The following TPR variants were observed in gnomAD, a reference collection of about 807,000 sequenced individuals.
TPR encodes translocated promoter region, nuclear basket protein.
A neutral mutation model predicts 316.1 loss-of-function variants in TPR; 51 were observed. The observed-to-expected ratio is 0.16, with a 90% CI of 0.13 to 0.20. TPR has a LOEUF of 0.20. Among genes scored for constraint, TPR ranks in the 10% least tolerant of loss-of-function variants. The pLI is 1.00. For missense variants in TPR, 2,272 were observed against 2,754.8 expected (o/e 0.82, Z 3.92); for synonymous variants, 981 against 914.7 (o/e 1.07, Z -1.31).
intron 3 of TPR, 67 bp from the exon 4 acceptor site, chr1:186,368,049 T>A: frequency 8.5e-7 from 1 of 1,177,706 alleles, no homozygotes; most frequent in Non-Finnish European, 1.2e-6. Flanking sequence ...AACATAGAAT[T>A]GTCACTTTAG....
chr1:186,325,810 C>A lies in TPR; in HGVS notation c.6066G>T (p.Met2022Ile). 1.2e-6 allele frequency: 2 copies of A among 1,613,710 alleles called. No homozygotes were observed. Among genetic ancestry groups the A allele is most frequent in the Non-Finnish European group, 1.7e-6 (2 of 1,179,754 alleles). Reference protein sequence around the residue: ...TDPGTETEESMGGGEGNHRAA... With the variant: ...TDPGTETEESIGGGEGNHRAA... ...CTCTGTGATTACCTTCACCTCCACC[C>A]ATACTTTCTTCTGTTTCTGTACCTG... Residue 2022 changes from methionine to isoleucine, a missense_variant, in exon 42 of 51, where the codon ATG (methionine) becomes ATT (isoleucine). Met to Ile is a conservative substitution (Grantham distance 10, BLOSUM62 1). Coordinates refer to ENST00000367478, the MANE Select transcript of TPR (RefSeq NM_003292.3).
chr1:186,335,606 C>G lies in TPR; in HGVS notation c.4706-63G>C, dbSNP rs569096451. On this transcript the variant is annotated intron_variant, in intron 33 of 50. Coordinates refer to ENST00000367478, the MANE Select transcript of TPR (RefSeq NM_003292.3). The stretch of plus-strand genomic sequence containing the variant: ...TCAAACATTTAAAACAGCATTTATG[C>G]ACTTAATTGGCACATGGTCACATCA... The G allele has an allele frequency of 1.0e-5, 14 of 1,345,756 alleles. No homozygotes were observed. The African/African-American group carries it at 1.9e-4, about 18-fold the overall frequency. The allele number at this position is 1,345,756 out of a possible 1,614,324, so 83.4% of individuals were successfully genotyped here. A position where few individuals can be genotyped will look rare whatever the true frequency, so the allele number is the denominator to read the frequency against.
rs1378753801 is a variant in TPR, at chr1:186,343,921, A to C, written c.3587T>G (p.Ile1196Ser). 2 of 1,612,968 alleles carry C rather than the reference A, an allele frequency of 1.2e-6. No individual in the cohort carries two copies. Among genetic ancestry groups the C allele is most frequent in the East Asian group, 4.5e-5 (2 of 44,834 alleles). The change falls in exon 26 of 51, where the codon ATT becomes AGT. Residue 1196 changes from isoleucine to serine, a missense_variant. Transcript: ENST00000367478. ...LSEEGKSQEQ[I>S]LEILRFIRRE... ...CATGATTTACCTGAGAATTTCCAAA[A>C]TTTGTTCTTGAGATTTTCCTTCTTC...
At chr1:186,344,279 T>C in intron 25 of TPR, 96 bp downstream of exon 25, 1 of 1,458,310 alleles carries the variant, frequency 6.9e-7, no homozygotes, top group Non-Finnish European at 9.3e-7. Context: ...CCAGCATGGG[T>C]GACAGAGCGA....
intron 40 of TPR, 94 bp from the exon 41 acceptor site, chr1:186,326,329 C>T (rs1341672465): frequency 2.6e-6 from 4 of 1,512,092 alleles, no homozygotes; most frequent in African/African-American, 2.8e-5. Context: ...TTAAGTGACT[C>T]ATTAATCAGA....
intron 30 of TPR, among the ~76,000 whole-genome samples, chr1:186,338,986 T>G (rs1658421237): frequency 6.6e-6 from 1 of 152,202 alleles, no homozygotes; most frequent in Non-Finnish European, 1.5e-5. Context: ...TTGTAAGTTG[T>G]AAAGCAATAT....
In TPR at chr1:186,344,372, T is replaced by C; in HGVS notation, c.3417+3A>G. 1 of 1,612,340 alleles carries C rather than the reference T, an allele frequency of 6.2e-7. No individual in the cohort carries two copies. Among genetic ancestry groups the C allele is most frequent in the Admixed American group, 1.7e-5 (1 of 59,696 alleles). ...AACATTCTATTCAGATTTACAATAA[T>C]ACCTTTAACATTCTCTCTCTTTCCT... On this transcript the variant is annotated splice_donor_region_variant and intron_variant, in intron 25 of 50. Coordinates refer to ENST00000367478, the MANE Select transcript of TPR (RefSeq NM_003292.3).
In TPR at chr1:186,375,030, T is replaced by G; in HGVS notation, c.-2A>C. 2 of 1,614,024 alleles carry G rather than the reference T, an allele frequency of 1.2e-6. No homozygotes were observed. The highest frequency in any genetic ancestry group is 1.7e-6 in the Non-Finnish European group (2 of 1,180,024). ...GACTTGCTGCAACACCGCCGCCATG[T>G]CGGTGGGGCCAGGGACCCCAGTGGC... On this transcript the variant is annotated 5_prime_UTR_variant, in exon 1 of 51. Coordinates refer to ENST00000367478, the MANE Select transcript of TPR (RefSeq NM_003292.3).
Position 186,313,217 on chromosome 1 carries a change from T to G in TPR, c.*754A>C. On this transcript the variant is annotated 3_prime_UTR_variant, in exon 51 of 51. Coordinates refer to ENST00000367478, the MANE Select transcript of TPR (RefSeq NM_003292.3). ...TTGTTTGGCACAAGGTTATAATGAT[T>G]TGCATCACTGCAGAGTCTGTAAGAT... 2.4e-6 allele frequency: 1 copy of G among 409,306 alleles called. No individual in the cohort carries two copies. The highest frequency in any genetic ancestry group is 2.7e-5 in the South Asian group (1 of 37,112). The allele number at this position is 409,306 out of a possible 1,614,324, so 25.4% of individuals were successfully genotyped here. A position where few individuals can be genotyped will look rare whatever the true frequency, so the allele number is the denominator to read the frequency against.
At chr1:186,315,176 C>CA (rs1202919174) in intron 49 of TPR, among the ~76,000 whole-genome samples, 21 of 135,838 alleles carry the variant, frequency 1.5e-4, no homozygotes, top group Non-Finnish European at 2.2e-4. Context: ...AAAAAACACC[C>CA]AAAAAACCAG....
rs777067320 is a variant in TPR at position 186,341,291 on chromosome 1, C to T, written c.3849G>A (p.Lys1283=). ...GCTGTAGATCCTGTTCTAGTCTCTC[C>T]TTCTCTTCTCTTAGCATTTTATTGG... ...METNKMLREE[K]ERLEQDLQQM... The change falls in exon 28 of 51, where the codon AAG becomes AAA. Residue 1283 remains lysine, a synonymous_variant. Transcript: ENST00000367478. The T allele has an allele frequency of 1.2e-6, 2 of 1,613,884 alleles. No homozygotes were observed. Among genetic ancestry groups the T allele is most frequent in the South Asian group, 1.1e-5 (1 of 91,088 alleles).
At chr1:186,351,548 A>C (rs1658861902) in intron 19 of TPR, 78 bp from the exon 20 acceptor site, 1 of 1,415,622 alleles carries the variant, frequency 7.1e-7, no homozygotes, top group East Asian at 2.4e-5. Flanking sequence ...GCAAGAAAGA[A>C]TTACAATATT....
At chr1:186,360,492 G>A (rs1659153247) in intron 10 of TPR, 128 bp from the exon 11 acceptor site, 1 of 1,037,350 alleles carries the variant, frequency 9.6e-7, no homozygotes, top group Middle Eastern at 2.8e-4. Context: ...TTAAATACAT[G>A]ACATCAAAAA....
At chr1:186,359,688 A>C (rs1440265297) in intron 12 of TPR, 111 bp downstream of exon 12, 1 of 1,114,080 alleles carries the variant, frequency 9.0e-7, no homozygotes, top group African/African-American at 1.7e-5. Context: ...GTGTTTATTG[A>C]AAATCGTATT....
rs75545265 is a variant in TPR at position 186,375,005 on chromosome 1, G to A, written c.24C>T (p.Val8=). 13,337 of 1,614,004 alleles carry A rather than the reference G, an allele frequency of 8.3e-3. 938 individuals are homozygous for A. The African/African-American group carries it at 0.16, about 19-fold the overall frequency. ...GCTTGTTCAGCTCCGTGCGCTCCAG[G>A]ACTTGCTGCAACACCGCCGCCATGT... MAAVLQQ[V]LERTELNKLP... is the part of the protein sequence containing the mutation. Residue 8 remains valine (V), a synonymous_variant, in exon 1 of 51, where the codon GTC becomes GTT. Transcript: ENST00000367478.
chr1:186,370,911 T>C (rs1659504514), intron 3 of TPR, 59 bp downstream of exon 3: 3 of 1,421,374 alleles, frequency 2.1e-6, no homozygotes, highest in South Asian at 1.2e-5. Context: ...ACAATCAGAA[T>C]AGAATGTCCC....
At position 186,353,138 on chromosome 1, in the gene TPR, T is replaced by C. The variant is rs147888461; in HGVS notation, c.2334+550A>G. ...CTGTAATCCCAGCACTTTGGGAGGC[T>C]AAGGCGGGCAAATCACGAGGTCAGT... On this transcript the variant is annotated intron_variant, in intron 18 of 50. Transcript: ENST00000367478. Among the ~76,000 whole-genome samples the C allele has an allele frequency of 1.2e-3, 181 of 152,254 alleles. 2 individuals are homozygous for C. The East Asian group carries it at 0.017, about 15-fold the overall frequency.
At position 186,355,054 on chromosome 1, in the gene TPR, A is replaced by C. The variant is rs561397136; in HGVS notation, c.2171+356T>G. On this transcript the variant is annotated intron_variant, in intron 17 of 50. Transcript: ENST00000367478. ...GAGTAGCTGGGATTACAAGCATGCA[A>C]CACTGCCGCTCAGCTAATTTTTGTA... Among the ~76,000 whole-genome samples the C allele has an allele frequency of 2.6e-5, 4 of 152,080 alleles. 1 individual carries two copies. In the East Asian group the frequency reaches 7.8e-4, roughly 30 times the overall value.
At chr1:186,370,832 C>A in intron 3 of TPR, 138 bp downstream of exon 3, 1 of 609,566 alleles carries the variant, frequency 1.6e-6, no homozygotes, top group East Asian at 2.9e-5. Flanking sequence ...TTTATATTTA[C>A]ATATTTTTGT....
Sources: gnomAD v4.1 joint callset for allele counts (sites outside exome capture counted in the v4.1 genomes callset) on GRCh38, gnomAD v4.1.1 for gene constraint, MANE v1.5 for transcripts, NCBI Gene and HGNC (gene_info 2026-07-23, HGNC 2026-07-21) for gene names.